Variants in SORL1 observed in about 807,000 individuals in gnomAD.
The protein encoded by SORL1 is sortilin-related receptor.
Under a neutral mutation model 273.7 loss-of-function variants are expected in SORL1, and 127 were observed. That is an observed-to-expected ratio of 0.46 (90% CI 0.40 to 0.54). The LOEUF is 0.54. SORL1 is among the 20% of genes least tolerant of loss of function. SORL1 has a pLI of 0.00. For synonymous variants in SORL1, 1,031 were observed against 1,067.4 expected, an observed-to-expected ratio of 0.97 and a Z score of 0.66; for missense variants, 2,494 against 2,846.1, an observed-to-expected ratio of 0.88 and a Z score of 2.81.
At chr11:121,577,809 T>C (rs1862958282) in intron 25 of SORL1, among the ~76,000 whole-genome samples, 1 of 152,158 alleles carries the variant, frequency 6.6e-6, no homozygotes, top group South Asian at 2.1e-4. Flanking sequence ...TTGTACCCGT[T>C]TTGGGTAAGA....
At position 121,555,327 on chromosome 11, in the gene SORL1, A is replaced by G. The variant is rs140499624; in HGVS notation, c.2571+9A>G. The G allele has an allele frequency of 8.4e-5, 136 of 1,613,106 alleles. 1 individual carries two copies. The East Asian group carries it at 2.9e-3, about 35-fold the overall frequency. On this transcript the variant is annotated intron_variant, in intron 18 of 47. Transcript: ENST00000260197. ...GCTTCAAAAAGATTGAGGTATGTGT[A>G]TTTTCGTGCTGTTCTTAATTAAGGG...
intron 6 of SORL1, among the ~76,000 whole-genome samples, chr11:121,498,529 T>C (rs922035881): frequency 2.6e-5 from 4 of 152,204 alleles, no homozygotes; most frequent in African/African-American, 9.6e-5. Context: ...ATAGCTGTTG[T>C]GCATTTCTCT....
At chr11:121,481,692 C>G (rs1861390347) in intron 3 of SORL1, among the ~76,000 whole-genome samples, 3 of 127,350 alleles carry the variant, frequency 2.4e-5, no homozygotes, top group Admixed American at 2.2e-4. Flanking sequence ...AGCTCCTCCC[C>G]TAGTGCACAG....
chr11:121,461,000 G>A (rs1012818049), intron 1 of SORL1, among the ~76,000 whole-genome samples: 2 of 152,148 alleles, frequency 1.3e-5, no homozygotes, highest in African/African-American at 2.4e-5. Flanking sequence ...CAAGGAGCCC[G>A]AGATGGCAGG....
chr11:121,532,106 ATAG>A (rs528341871), intron 11 of SORL1, among the ~76,000 whole-genome samples: 142 of 152,372 alleles, frequency 9.3e-4, no homozygotes, highest in African/African-American at 3.3e-3. Context: ...TAATACTGTC[ATAG>A]TAGAACTGAA....
intron 25 of SORL1, among the ~76,000 whole-genome samples, 157 bp downstream of exon 25, chr11:121,577,557 A>T (rs931364554): frequency 1.3e-5 from 2 of 152,262 alleles, no homozygotes; most frequent in Non-Finnish European, 2.9e-5. Flanking sequence ...CTTTGATGAG[A>T]TAAGGAACCT....
chr11:121,486,867 G>A (rs1861480814), intron 3 of SORL1, among the ~76,000 whole-genome samples: 1 of 152,074 alleles, frequency 6.6e-6, no homozygotes, highest in Non-Finnish European at 1.5e-5. Context: ...AGGCTGAGGT[G>A]GGATGACCTC....
At chr11:121,575,816 G>A (rs1462985849) in intron 24 of SORL1, among the ~76,000 whole-genome samples, 3 of 152,120 alleles carry the variant, frequency 2.0e-5, no homozygotes, top group Non-Finnish European at 2.9e-5. Flanking sequence ...GAAACTTCAC[G>A]TGGTTCCCTC....
chr11:121,513,736 C>T (rs1307933855), intron 7 of SORL1, among the ~76,000 whole-genome samples: 5 of 152,302 alleles, frequency 3.3e-5, no homozygotes, highest in Non-Finnish European at 5.9e-5. Context: ...ATACGGAGAA[C>T]AGTCATGCCA....
intron 16 of SORL1, among the ~76,000 whole-genome samples, chr11:121,552,088 A>C (rs1174210116): frequency 6.6e-6 from 1 of 152,188 alleles, no homozygotes; most frequent in Non-Finnish European, 1.5e-5. Flanking sequence ...CAGGGAACGA[A>C]GTGGAGAAAT....
At chr11:121,617,392 T>C (rs1415202387) in intron 41 of SORL1, among the ~76,000 whole-genome samples, 3 of 152,218 alleles carry the variant, frequency 2.0e-5, no homozygotes, top group Non-Finnish European at 4.4e-5. Context: ...ACTTGGAAAG[T>C]AAGTCACGAT....
intron 13 of SORL1, among the ~76,000 whole-genome samples, chr11:121,544,295 C>T (rs771804903): frequency 6.3e-4 from 96 of 152,242 alleles, no homozygotes; most frequent in Non-Finnish European, 9.0e-4. Flanking sequence ...CATTTCCACC[C>T]GTTCAGCCTC....
chr11:121,484,631 A>G (rs894922270), intron 3 of SORL1, among the ~76,000 whole-genome samples: 2 of 151,834 alleles, frequency 1.3e-5, no homozygotes, highest in East Asian at 3.9e-4. Context: ...GTTTTGAAGA[A>G]CTCAAGTTTT....
intron 1 of SORL1, among the ~76,000 whole-genome samples, chr11:121,459,256 A>G (rs1024858367): frequency 2.0e-4 from 31 of 152,230 alleles, no homozygotes; most frequent in Non-Finnish European, 4.0e-4. Context: ...GCTCTTGGCT[A>G]CTGTGTAGAC....
intron 38 of SORL1, 102 bp from the exon 39 acceptor site, chr11:121,610,974 G>T: frequency 2.6e-6 from 2 of 766,252 alleles, no homozygotes; most frequent in South Asian, 3.1e-5. Context: ...TTTCTTCCCC[G>T]ACTGAAAGAT....
At chr11:121,516,714 C>T (rs1031180134) in intron 8 of SORL1, among the ~76,000 whole-genome samples, 8 of 152,088 alleles carry the variant, frequency 5.3e-5, no homozygotes, top group African/African-American at 1.2e-4. Flanking sequence ...TGGTCAGTGG[C>T]GGACCCTACC....
In SORL1 at chr11:121,530,308, A is replaced by G. The variant is rs527616768; in HGVS notation, c.1597-2156A>G. 4.6e-5 allele frequency among the ~76,000 whole-genome samples: 7 copies of G among 152,338 alleles called. No individual in the cohort carries two copies. The South Asian group carries it at 1.4e-3, about 32-fold the overall frequency. On this transcript the variant is annotated intron_variant, in intron 11 of 47. Coordinates refer to ENST00000260197, the MANE Select transcript of SORL1 (RefSeq NM_003105.6). ...TTCCCTATAGCCTAAAGAAATTCCT[A>G]TAGCATTTCCTGTAGCGAGATCTGT...
chr11:121,576,758 C>T (rs1268568237), intron 24 of SORL1: 6 of 1,472,474 alleles, frequency 4.1e-6, no homozygotes, highest in Non-Finnish European at 5.4e-6. Flanking sequence ...GGAGCTCTGC[C>T]CACAGAAAGT....
At chr11:121,458,985 A>G (rs1860949630) in intron 1 of SORL1, among the ~76,000 whole-genome samples, 2 of 152,232 alleles carry the variant, frequency 1.3e-5, no homozygotes, top group South Asian at 2.1e-4. Context: ...ACTGTTTATT[A>G]TAATGGTAAC....
Sources: gnomAD v4.1 joint callset for allele counts (sites outside exome capture counted in the v4.1 genomes callset) on GRCh38, gnomAD v4.1.1 for gene constraint, MANE v1.5 for transcripts, NCBI Gene and HGNC (gene_info 2026-07-23, HGNC 2026-07-21) for gene names.